The following DTNA variants were observed in gnomAD, a reference collection of about 807,000 sequenced individuals.
DTNA encodes dystrobrevin alpha, also known as dystrophin-related protein 3.
DTNA carries 43 observed loss-of-function variants against 100.7 expected under a neutral mutation model. The ratio of observed to expected loss-of-function variants is 0.43; its 90% confidence interval spans 0.33 to 0.55. DTNA has a LOEUF of 0.55. DTNA is among the 20% of genes least tolerant of loss of function. The probability of loss-of-function intolerance (pLI) is 0.04; values close to 1 mark genes in which losing one functional copy is unlikely to be tolerated. For missense variants in DTNA, 798 were observed against 953.9 expected, an observed-to-expected ratio of 0.84 and a Z score of 2.15; for synonymous variants, 349 against 347.9, an observed-to-expected ratio of 1.00 and a Z score of -0.04.
chr18:34,539,832 C>T (rs1328695065), intron 1 of DTNA, among the ~76,000 whole-genome samples: 3 of 151,694 alleles, frequency 2.0e-5, no homozygotes, highest in East Asian at 3.9e-4. Context: ...AATATATAAG[C>T]ACTAGAAAAT....
At chr18:34,496,841 T>A (rs1269424256) in intron 1 of DTNA, among the ~76,000 whole-genome samples, 1 of 152,220 alleles carries the variant, frequency 6.6e-6, no homozygotes, top group Non-Finnish European at 1.5e-5. Context: ...AGAAGGTGTG[T>A]ACTAATTCCA....
In DTNA at chr18:34,889,035, C is replaced by CT. The variant is rs1009363920; in HGVS notation, c.*1305dup. 1.0e-6 allele frequency: 1 copy of CT among 985,684 alleles called. No homozygotes were observed. Among genetic ancestry groups the CT allele is most frequent in the African/African-American group, 1.7e-5 (1 of 57,218 alleles). The allele number at this position is 985,684 out of a possible 1,614,324, so 61.1% of individuals were successfully genotyped here. A position where few individuals can be genotyped will look rare whatever the true frequency, so the allele number is the denominator to read the frequency against. On this transcript the variant is annotated 3_prime_UTR_variant, in exon 23 of 23. Transcript: ENST00000444659. ...CAAGAGGATAAAAGACTGGGATAGT[C>CT]TTTTCCAAGGACCCTCTTTAGAGGG...
At chr18:34,505,613 T>G (rs572096356) in intron 1 of DTNA, among the ~76,000 whole-genome samples, 2 of 152,346 alleles carry the variant, frequency 1.3e-5, no homozygotes, top group South Asian at 4.1e-4. Flanking sequence ...ACTCACATTC[T>G]GCTCTTGAGC....
In DTNA at chr18:34,889,237, A is replaced by G. The variant is rs970838734; in HGVS notation, c.*1503A>G. On this transcript the variant is annotated 3_prime_UTR_variant, in exon 23 of 23. Transcript: ENST00000444659. ...AGAAAGGAGAGAACATTTTAGAACAATAGTTCTCAAAGTGTGTTCCCCGGA... is the reference window on the plus strand; with the variant it reads ...AGAAAGGAGAGAACATTTTAGAACAGTAGTTCTCAAAGTGTGTTCCCCGGA... 11 of 985,360 alleles carry G rather than the reference A, an allele frequency of 1.1e-5. No homozygotes were observed. Among genetic ancestry groups the G allele is most frequent in the Non-Finnish European group, 1.1e-5 (9 of 829,920 alleles). The allele number at this position is 985,360 out of a possible 1,614,324, so 61.0% of individuals were successfully genotyped here.
rs1284036294 is a variant in DTNA at position 34,813,528 on chromosome 18, G to A, written c.603+1415G>A. The stretch of plus-strand genomic sequence containing the variant: ...CACAGCTTTATGGATTAAGAGTCAG[G>A]AAGTCTTTTCTTTTTACTGAAATTA... On this transcript the variant is annotated intron_variant, in intron 6 of 22. Coordinates refer to ENST00000444659, the MANE Select transcript of DTNA (RefSeq NM_001386795.1). 9.9e-5 allele frequency among the ~76,000 whole-genome samples: 15 copies of A among 151,586 alleles called. No homozygotes were observed. The East Asian group carries it at 2.9e-3, about 30-fold the overall frequency.
intron 1 of DTNA, among the ~76,000 whole-genome samples, chr18:34,674,328 G>A (rs1189787305): frequency 2.6e-5 from 4 of 152,156 alleles, no homozygotes; most frequent in African/African-American, 9.7e-5. Flanking sequence ...GCCCTTAATA[G>A]GAAGTAAAGA....
intron 1 of DTNA, among the ~76,000 whole-genome samples, chr18:34,666,682 CT>C (rs2075977201): frequency 6.6e-6 from 1 of 152,086 alleles, no homozygotes; most frequent in Non-Finnish European, 1.5e-5. Flanking sequence ...ATAGGGAATC[CT>C]TTCCCCATTT....
Position 34,853,347 on chromosome 18 carries a change from G to A in DTNA, c.1532+1419G>A, listed in dbSNP as rs902468612. On this transcript the variant is annotated intron_variant, in intron 15 of 22. Coordinates refer to ENST00000444659, the MANE Select transcript of DTNA (RefSeq NM_001386795.1). The stretch of plus-strand genomic sequence containing the variant: ...TCAAACTGGAGGAGTAAAGGAGGAG[G>A]TTGTGATAATTATTTCATGCCTGTA... Among the ~76,000 whole-genome samples, 5 of 152,168 alleles carry A rather than the reference G, an allele frequency of 3.3e-5. 1 individual carries two copies. Among genetic ancestry groups the A allele is most frequent in the South Asian group, 2.1e-4 (1 of 4,832 alleles).
At chr18:34,877,606 A>T in intron 18 of DTNA, 113 bp from the exon 19 acceptor site, 1 of 849,642 alleles carries the variant, frequency 1.2e-6, no homozygotes, top group Non-Finnish European at 1.9e-6. Flanking sequence ...GAAAAGGAGA[A>T]GTCTTAGAAG....
At chr18:34,522,748 A>T (rs1216446074) in intron 1 of DTNA, among the ~76,000 whole-genome samples, 1 of 152,160 alleles carries the variant, frequency 6.6e-6, no homozygotes, top group Non-Finnish European at 1.5e-5. Context: ...GCTAGCTCTC[A>T]CCACAGTATA....
At chr18:34,553,292 T>C (rs1441513188) in intron 1 of DTNA, among the ~76,000 whole-genome samples, 1 of 151,820 alleles carries the variant, frequency 6.6e-6, no homozygotes. Context: ...CTTTGTCAGA[T>C]GAGTAGGTTG....
At chr18:34,517,678 G>T (rs2041782662) in intron 1 of DTNA, among the ~76,000 whole-genome samples, 1 of 151,818 alleles carries the variant, frequency 6.6e-6, no homozygotes, top group African/African-American at 2.4e-5. Flanking sequence ...TTGCAAAAAT[G>T]TTATATAAAT....
chr18:34,646,047 GGT>G (rs2059799876), intron 1 of DTNA, among the ~76,000 whole-genome samples: 1 of 152,034 alleles, frequency 6.6e-6, no homozygotes, highest in African/African-American at 2.4e-5. Context: ...TCTCTTAGCT[GGT>G]ATTCTTTTTA....
At chr18:34,593,121 G>A (rs993497352) in intron 1 of DTNA, among the ~76,000 whole-genome samples, 1 of 152,146 alleles carries the variant, frequency 6.6e-6, no homozygotes, top group African/African-American at 2.4e-5. Context: ...AAGTGTTTCC[G>A]TAATATCCGT....
At chr18:34,795,488 C>G (rs762775914) in intron 4 of DTNA, among the ~76,000 whole-genome samples, 9 of 152,128 alleles carry the variant, frequency 5.9e-5, no homozygotes, top group Non-Finnish European at 1.2e-4. Flanking sequence ...ACTATAGTAA[C>G]TGGATGCTGG....
At chr18:34,595,191 G>T (rs1029539262) in intron 1 of DTNA, among the ~76,000 whole-genome samples, 1 of 152,202 alleles carries the variant, frequency 6.6e-6, no homozygotes, top group African/African-American at 2.4e-5. Context: ...GAATGAACCT[G>T]GCAGAAATCA....
intron 9 of DTNA, 85 bp from the exon 10 acceptor site, chr18:34,827,508 C>A: frequency 7.9e-7 from 1 of 1,262,758 alleles, no homozygotes; most frequent in Non-Finnish European, 1.2e-6. Context: ...TCTTCCCATC[C>A]CGTTTCCTGG....
At chr18:34,829,352 T>C (rs1339434824) in intron 10 of DTNA, 48 bp from the exon 11 acceptor site, 1 of 1,533,736 alleles carries the variant, frequency 6.5e-7, no homozygotes, top group Non-Finnish European at 8.7e-7. Context: ...TGGGCCTTGC[T>C]CTGTCCATGG....
chr18:34,832,950 C>T (rs1231229984), intron 11 of DTNA, among the ~76,000 whole-genome samples: 1 of 152,076 alleles, frequency 6.6e-6, no homozygotes, highest in Non-Finnish European at 1.5e-5. Flanking sequence ...ATAAGTCATT[C>T]TTCACAAATC....
Sources: allele counts gnomAD v4.1 joint callset (sites outside exome capture counted in the v4.1 genomes callset), GRCh38; gene constraint gnomAD v4.1.1; transcripts MANE v1.5; gene names NCBI Gene and HGNC (gene_info 2026-07-23, HGNC 2026-07-21).